RMDN2: variants seen among roughly 807,000 people sequenced by gnomAD.
The protein encoded by RMDN2 is regulator of microtubule dynamics protein 2.
A neutral mutation model predicts 52.8 loss-of-function variants in RMDN2; 61 were observed. The ratio of observed to expected loss-of-function variants is 1.16; its 90% CI spans 0.94 to 1.43. RMDN2 has a LOEUF of 1.43. Ranked by LOEUF, RMDN2 falls within the 40% of genes most tolerant of loss-of-function variation. The probability of loss-of-function intolerance (pLI) is 0.00; values close to 1 mark genes in which losing one functional copy is unlikely to be tolerated. For missense variants in RMDN2, 592 were observed against 475.3 expected (o/e 1.25, Z -2.28); for synonymous variants, 180 against 153.1 (o/e 1.18, Z -1.30).
At position 38,013,956 on chromosome 2, in the gene RMDN2, C is replaced by T. The variant is rs569472072; in HGVS notation, c.1180-3230C>T. Among the ~76,000 whole-genome samples the T allele has an allele frequency of 3.3e-5, 5 of 152,264 alleles. No homozygotes were observed. The East Asian group carries it at 7.7e-4, about 24-fold the overall frequency. On this transcript the variant is annotated intron_variant, in intron 10 of 10. Coordinates refer to ENST00000354545, the MANE Select transcript of RMDN2 (RefSeq NM_001170791.3). Reference sequence around the variant, plus strand: ...GCGTCGTGGCTCACGCCTGTAATCCCAGCACTTTGGGCGGCCGAGGCGGGC... The same window carrying T: ...GCGTCGTGGCTCACGCCTGTAATCCTAGCACTTTGGGCGGCCGAGGCGGGC...
intron 2 of RMDN2, among the ~76,000 whole-genome samples, chr2:37,966,026 T>A (rs1670992772): frequency 6.6e-6 from 1 of 152,222 alleles, no homozygotes; most frequent in African/African-American, 2.4e-5. Context: ...GCTTTTCTTT[T>A]GCTGCTTTTG....
At chr2:37,952,341 A>G (rs753854921) in intron 2 of RMDN2, 4 of 735,476 alleles carry the variant, frequency 5.4e-6, no homozygotes, top group Admixed American at 5.5e-5. Context: ...GAAGATTCCT[A>G]CATTGCAGTG....
intron 10 of RMDN2, among the ~76,000 whole-genome samples, chr2:38,041,455 A>G (rs761461509): frequency 2.1e-4 from 11 of 51,706 alleles, no homozygotes; most frequent in Non-Finnish European, 2.9e-4. Context: ...GACGTTTTGT[A>G]CTAAGCAGGA....
intron 10 of RMDN2, among the ~76,000 whole-genome samples, chr2:38,063,778 G>T (rs964390125): frequency 1.7e-4 from 26 of 152,260 alleles, no homozygotes; most frequent in Non-Finnish European, 5.9e-5. Context: ...GTAGCGTTTT[G>T]CACTTTCCCA....
intron 5 of RMDN2, among the ~76,000 whole-genome samples, chr2:37,983,502 C>G (rs1228087261): frequency 6.6e-6 from 1 of 152,014 alleles, no homozygotes; most frequent in Non-Finnish European, 1.5e-5. Context: ...TGTGTTTCAC[C>G]TAATTTCTTA....
chr2:37,943,938 G>A (rs1041059956), intron 2 of RMDN2, among the ~76,000 whole-genome samples: 1 of 152,044 alleles, frequency 6.6e-6, no homozygotes, highest in Non-Finnish European at 1.5e-5. Flanking sequence ...AAAAACGATG[G>A]TCATATGGTC....
Position 38,003,929 on chromosome 2 carries a change from C to T in RMDN2, c.1045-62C>T. 5 of 1,212,784 alleles carry T rather than the reference C, an allele frequency of 4.1e-6. No individual in the cohort carries two copies. The South Asian group carries it at 6.1e-5, about 15-fold the overall frequency. 75.1% of individuals were successfully genotyped at this position (1,212,784 alleles called of 1,614,324 possible). On this transcript the variant is annotated intron_variant, in intron 8 of 10. Transcript: ENST00000354545. ...GATTTATTTAAATATATTCTCTTCA[C>T]TTGTGGTTACTGTTATTTTAATATT...
In RMDN2 at chr2:37,929,698, A is replaced by T. The variant is rs1324589027; in HGVS notation, c.421A>T (p.Asn141Tyr). The change falls in exon 2 of 11, where the codon AAT becomes TAT. Residue 141 changes from asparagine to tyrosine, a missense_variant. Physicochemically the swap from Asn to Tyr is moderately radical, Grantham distance 143. Transcript: ENST00000354545. Reference protein sequence around the residue: ...LPTIQSSATSNSSEEAESEGG... With the variant: ...LPTIQSSATSYSSEEAESEGG... ...CACAATTCAAAGTTCAGCAACAAGTAATAGTTCAGAGGAAGCAGAAAGTGA... is the reference window on the plus strand; with the variant it reads ...CACAATTCAAAGTTCAGCAACAAGTTATAGTTCAGAGGAAGCAGAAAGTGA... The T allele has an allele frequency of 1.3e-6, 2 of 1,525,410 alleles. No homozygotes were observed. The highest frequency in any genetic ancestry group is 2.8e-5 in the African/African-American group (2 of 71,162). 94.5% of individuals were successfully genotyped at this position (1,525,410 alleles called of 1,614,324 possible).
intron 10 of RMDN2, among the ~76,000 whole-genome samples, chr2:38,011,782 A>G (rs1678030486): frequency 6.6e-6 from 1 of 152,230 alleles, no homozygotes; most frequent in Non-Finnish European, 1.5e-5. Flanking sequence ...GTGGGCAAGT[A>G]TATTGCAGGT....
chr2:37,981,901 T>G (rs373451076), intron 5 of RMDN2, among the ~76,000 whole-genome samples: 3 of 152,126 alleles, frequency 2.0e-5, no homozygotes, highest in East Asian at 1.9e-4. Flanking sequence ...AAATATAAAT[T>G]ATAAATTATA....
At chr2:38,056,808 A>G (rs1681870464) in intron 10 of RMDN2, among the ~76,000 whole-genome samples, 1 of 152,234 alleles carries the variant, frequency 6.6e-6, no homozygotes, top group South Asian at 2.1e-4. Flanking sequence ...AAGTCCTGAA[A>G]TTATAAGCTT....
At chr2:38,020,897 G>A (rs1004738864), downstream of RMDN2, among the ~76,000 whole-genome samples, 5 of 152,328 alleles carry the variant, frequency 3.3e-5, no homozygotes, top group African/African-American at 9.6e-5. Flanking sequence ...GGAGTGCGGC[G>A]CACGGTACGG....
chr2:37,976,783 C>G (rs941408911), intron 4 of RMDN2, among the ~76,000 whole-genome samples: 1 of 151,842 alleles, frequency 6.6e-6, no homozygotes, highest in Non-Finnish European at 1.5e-5. Context: ...TGAGAAAATC[C>G]AAGTATATCT....
At chr2:38,045,936 C>T (rs937422864) in intron 10 of RMDN2, among the ~76,000 whole-genome samples, 1 of 152,150 alleles carries the variant, frequency 6.6e-6, no homozygotes, top group African/African-American at 2.4e-5. Context: ...TGCAACTAGC[C>T]CGAGGTTGTG....
intron 7 of RMDN2, among the ~76,000 whole-genome samples, chr2:37,993,496 G>A (rs1410903092): frequency 2.6e-5 from 4 of 151,276 alleles, no homozygotes; most frequent in African/African-American, 9.7e-5. Context: ...TTTCTAATCA[G>A]GTCAATGGAA....
chr2:38,010,702 C>T (rs1558548920), intron 10 of RMDN2, among the ~76,000 whole-genome samples: 1 of 152,298 alleles, frequency 6.6e-6, no homozygotes, highest in African/African-American at 2.4e-5. Flanking sequence ...ATGCTCGGTG[C>T]ACTGCAGCCA....
intron 10 of RMDN2, among the ~76,000 whole-genome samples, chr2:38,055,549 G>A (rs1681827096): frequency 6.6e-6 from 1 of 152,154 alleles, no homozygotes; most frequent in Non-Finnish European, 1.5e-5. Context: ...ATGGCTTGAT[G>A]ACCCCATCAA....
intron 10 of RMDN2, among the ~76,000 whole-genome samples, chr2:38,006,688 C>T (rs1677139689): frequency 1.3e-5 from 2 of 152,110 alleles, no homozygotes; most frequent in African/African-American, 4.8e-5. Flanking sequence ...TAATTGAATA[C>T]CCTTTATTTC....
chr2:38,052,827 A>C (rs1194383371), intron 10 of RMDN2, among the ~76,000 whole-genome samples: 1 of 152,174 alleles, frequency 6.6e-6, no homozygotes, highest in African/African-American at 2.4e-5. Context: ...GAAAATGTTA[A>C]TGCTACTTTG....
Sources: gnomAD v4.1 joint callset for allele counts (sites outside exome capture counted in the v4.1 genomes callset) on GRCh38, gnomAD v4.1.1 for gene constraint, MANE v1.5 for transcripts, NCBI Gene and HGNC (gene_info 2026-07-23, HGNC 2026-07-21) for gene names.